CREB5: variants seen among roughly 807,000 people sequenced by gnomAD.
CREB5 encodes cyclic AMP-responsive element-binding protein 5.
A neutral mutation model predicts 57.1 loss-of-function variants in CREB5; 19 were observed. That is an observed-to-expected ratio of 0.33 (90% CI 0.23 to 0.49). CREB5 has a LOEUF of 0.49. Ranked by LOEUF, CREB5 falls within the 20% of genes least tolerant of loss-of-function variation. The pLI is 0.99. For synonymous variants in CREB5, 238 were observed against 238.3 expected (o/e 1.00, Z 0.01); for missense variants, 579 against 671.6 (o/e 0.86, Z 1.52).
intron 1 of CREB5, among the ~76,000 whole-genome samples, chr7:28,475,250 CTTTTTTTTTTTTTTTT>C (rs530903709): frequency 0.1 from 6,233 of 59,610 alleles, 175 homozygotes; most frequent in South Asian, 0.16. Flanking sequence ...TCAGAAGTTT[CTTTTTTTTTTTTTTTT>C]TTTTTTTTTT....
intron 1 of CREB5, among the ~76,000 whole-genome samples, chr7:28,485,830 AG>A (rs200538330): frequency 0.016 from 2,413 of 152,278 alleles, 40 homozygotes; most frequent in African/African-American, 0.042. Context: ...TCAGCTTTAA[AG>A]TCACCTCTTA....
At chr7:28,801,056 T>C (rs1354384423) in intron 7 of CREB5, among the ~76,000 whole-genome samples, 1 of 152,242 alleles carries the variant, frequency 6.6e-6, no homozygotes, top group African/African-American at 2.4e-5. Context: ...ATGTACTTAG[T>C]TAATGTTAGC....
chr7:28,360,056 T>A (rs372539203), intron 1 of CREB5, among the ~76,000 whole-genome samples: 1 of 152,190 alleles, frequency 6.6e-6, no homozygotes, highest in East Asian at 1.9e-4. Context: ...ATGACTATTC[T>A]CAAAAGATGA....
Position 28,817,994 on chromosome 7 carries a change from G to C in CREB5, c.1255-77G>C. 4 of 1,027,916 alleles carry C rather than the reference G, an allele frequency of 3.9e-6. No individual in the cohort carries two copies. The South Asian group carries it at 6.2e-5, about 16-fold the overall frequency. 63.7% of individuals were successfully genotyped at this position (1,027,916 alleles called of 1,614,324 possible). A position where few individuals can be genotyped will look rare whatever the true frequency, so the allele number is the denominator to read the frequency against. The stretch of plus-strand genomic sequence containing the variant: ...CATAATGGAAGAGTTTGCCAGTTTT[G>C]TTGTTGAAAGTGCACAGGGCTGTGG... On this transcript the variant is annotated intron_variant, in intron 9 of 10. Transcript: ENST00000357727.
intron 1 of CREB5, among the ~76,000 whole-genome samples, chr7:28,353,355 A>C (rs1270058106): frequency 6.6e-6 from 1 of 152,134 alleles, no homozygotes; most frequent in Non-Finnish European, 1.5e-5. Flanking sequence ...CATACTCTGA[A>C]AGAAAAGTAC....
chr7:28,496,993 G>A (rs1792085998), intron 3 of CREB5, among the ~76,000 whole-genome samples: 1 of 152,184 alleles, frequency 6.6e-6, no homozygotes, highest in African/African-American at 2.4e-5. Context: ...TCATCAGTGA[G>A]CATAGATACA....
At chr7:28,736,198 T>C (rs1299587726) in intron 7 of CREB5, among the ~76,000 whole-genome samples, 1 of 152,060 alleles carries the variant, frequency 6.6e-6, no homozygotes, top group Non-Finnish European at 1.5e-5. Flanking sequence ...AGACAGAGTT[T>C]TGCTCTTGTT....
At chr7:28,564,302 A>G (rs1222912470) in intron 4 of CREB5, among the ~76,000 whole-genome samples, 33 of 152,224 alleles carry the variant, frequency 2.2e-4, no homozygotes, top group Admixed American at 2.2e-3. Context: ...AGATTTGCAG[A>G]TAACATTTTG....
chr7:28,551,983 CTCTT>C lies in CREB5; in HGVS notation c.292-18378_292-18375del, dbSNP rs1324284388. Among the ~76,000 whole-genome samples the C allele has an allele frequency of 2.0e-4, 20 of 97,576 alleles. No individual in the cohort carries two copies. The East Asian group carries it at 3.1e-3, about 15-fold the overall frequency. The allele number at this position is 97,576 out of a possible 152,430, so 64.0% of individuals were successfully genotyped here. A position where few individuals can be genotyped will look rare whatever the true frequency, so the allele number is the denominator to read the frequency against. ...TCTTTTTTATTCTCTCTTTCTCTCT[CTCTT>C]TCTCTCTTTTCTCTCTCTCTCTCTT... On this transcript the variant is annotated intron_variant, in intron 4 of 10. Transcript: ENST00000357727.
At chr7:28,407,728 C>T (rs1241403208), upstream of CREB5, among the ~76,000 whole-genome samples, 1 of 152,160 alleles carries the variant, frequency 6.6e-6, no homozygotes, top group Admixed American at 6.5e-5. Flanking sequence ...TTTCAAGGAA[C>T]ACTAAAGGGC....
chr7:28,441,684 TAGCACC>T (rs1789189746), intron 1 of CREB5, among the ~76,000 whole-genome samples: 1 of 152,226 alleles, frequency 6.6e-6, no homozygotes, highest in Non-Finnish European at 1.5e-5. Context: ...TTAATCCTCA[TAGCACC>T]AGGTGAACTG....
At chr7:28,729,966 G>T (rs1803524136) in intron 7 of CREB5, among the ~76,000 whole-genome samples, 1 of 152,164 alleles carries the variant, frequency 6.6e-6, no homozygotes, top group Admixed American at 6.5e-5. Context: ...AATTACATAA[G>T]ATTCCATGAC....
At chr7:28,299,742 A>G (rs527335439) in intron 1 of CREB5, among the ~76,000 whole-genome samples, 15 of 152,348 alleles carry the variant, frequency 9.8e-5, no homozygotes, top group African/African-American at 3.6e-4. Flanking sequence ...AATGTGACCC[A>G]ACAAACATTT....
intron 1 of CREB5, among the ~76,000 whole-genome samples, chr7:28,387,946 C>T (rs1300621557): frequency 6.6e-6 from 1 of 152,152 alleles, no homozygotes; most frequent in Non-Finnish European, 1.5e-5. Flanking sequence ...TCATCCATTT[C>T]AATATTTCAA....
At chr7:28,565,846 A>T (rs1010064015) in intron 4 of CREB5, among the ~76,000 whole-genome samples, 1 of 152,198 alleles carries the variant, frequency 6.6e-6, no homozygotes, top group Non-Finnish European at 1.5e-5. Context: ...GCTTGAACCC[A>T]GGAGACAGAG....
intron 5 of CREB5, among the ~76,000 whole-genome samples, chr7:28,701,977 C>T (rs1291652368): frequency 6.6e-6 from 1 of 152,182 alleles, no homozygotes; most frequent in East Asian, 1.9e-4. Flanking sequence ...GACAGTCATT[C>T]TTGTATGTCC....
At chr7:28,573,147 G>C (rs910489901) in intron 5 of CREB5, among the ~76,000 whole-genome samples, 2 of 152,144 alleles carry the variant, frequency 1.3e-5, no homozygotes, top group African/African-American at 4.8e-5. Flanking sequence ...TAACATTTGG[G>C]GACGGTTGAC....
At position 28,493,579 on chromosome 7, in the gene CREB5, A is replaced by G. The variant is rs79148178; in HGVS notation, c.76-1327A>G. ...TATTGCTAGTTGCCATGTTAAAACA[A>G]AGGGGAAGGGGGAATGCTAGAGTGT... On this transcript the variant is annotated intron_variant, in intron 2 of 10. Coordinates refer to ENST00000357727, the MANE Select transcript of CREB5 (RefSeq NM_182898.4). Among the ~76,000 whole-genome samples, 1,218 of 152,288 alleles carry G rather than the reference A, an allele frequency of 8.0e-3. 10 individuals carry two copies. Among genetic ancestry groups the G allele is most frequent in the Non-Finnish European group, 0.012 (824 of 68,014 alleles).
At chr7:28,583,195 T>C (rs1304769452) in intron 5 of CREB5, among the ~76,000 whole-genome samples, 2 of 152,234 alleles carry the variant, frequency 1.3e-5, no homozygotes, top group African/African-American at 4.8e-5. Context: ...AGCAAGAGCA[T>C]AGTTTGAAAA....
Sources: allele counts gnomAD v4.1 joint callset (sites outside exome capture counted in the v4.1 genomes callset), GRCh38; gene constraint gnomAD v4.1.1; transcripts MANE v1.5; gene names NCBI Gene and HGNC (gene_info 2026-07-23, HGNC 2026-07-21).